Variants in TRPC3 observed in about 807,000 individuals in gnomAD.
TRPC3 encodes the protein transient receptor potential cation channel subfamily C member 3.
Under a neutral mutation model 90.9 loss-of-function variants are expected in TRPC3, and 54 were observed. The ratio of observed to expected loss-of-function variants is 0.59; its 90% confidence interval spans 0.48 to 0.75. The LOEUF (loss-of-function observed/expected upper bound fraction) is 0.75. Ranked by LOEUF, TRPC3 falls within the 30% of genes least tolerant of loss-of-function variation. The probability of loss-of-function intolerance (pLI) is 0.00; values close to 1 mark genes in which losing one functional copy is unlikely to be tolerated. For synonymous variants in TRPC3, 424 were observed against 450.9 expected (o/e 0.94, Z 0.75); for missense variants, 918 against 1,194.5 (o/e 0.77, Z 3.41).
At chr4:121,899,513 C>A in intron 10 of TRPC3, 99 bp downstream of exon 10, 1 of 974,856 alleles carries the variant, frequency 1.0e-6, no homozygotes, top group Non-Finnish European at 1.6e-6. Context: ...AATGGTATAT[C>A]TCAAGAATAT....
chr4:121,916,915 A>G (rs1276951905), intron 3 of TRPC3, among the ~76,000 whole-genome samples: 1 of 151,874 alleles, frequency 6.6e-6, no homozygotes, highest in Non-Finnish European at 1.5e-5. Context: ...GGGTTTCTCC[A>G]TGGCGGTCAG....
chr4:121,888,607 G>C (rs1242910707), intron 10 of TRPC3, among the ~76,000 whole-genome samples: 1 of 150,516 alleles, frequency 6.6e-6, no homozygotes, highest in African/African-American at 2.4e-5. Flanking sequence ...ATGTTAACCA[G>C]GCTGGTCTCA....
chr4:121,949,312 A>G (rs890179776), intron 1 of TRPC3, among the ~76,000 whole-genome samples: 2 of 152,216 alleles, frequency 1.3e-5, no homozygotes, highest in African/African-American at 4.8e-5. Context: ...CAGTCTATTT[A>G]AAATTTCCAC....
At chr4:121,947,107 T>A (rs561466614) in intron 1 of TRPC3, among the ~76,000 whole-genome samples, 136 of 141,754 alleles carry the variant, frequency 9.6e-4, no homozygotes, top group Non-Finnish European at 1.7e-3. Context: ...CACTTGAGCC[T>A]AGGAGTTTGA....
At position 121,912,052 on chromosome 4, in the gene TRPC3, T is replaced by C. The variant is rs777008083; in HGVS notation, c.1383A>G (p.Ala461=). ...ILRSPFMKFV[A]HAASFIIFLG... ...GGAAGATGATGAAAGAAGCTGCATG[T>C]GCTACAAACTTCATAAAAGGGCTTC... The change falls in exon 5 of 12, where the codon GCA becomes GCG. Residue 461 remains alanine, a synonymous_variant. Coordinates refer to ENST00000379645, the MANE Select transcript of TRPC3 (RefSeq NM_001130698.2). 1 of 1,613,746 alleles carries C rather than the reference T, an allele frequency of 6.2e-7. No homozygotes were observed. Among genetic ancestry groups the C allele is most frequent in the Non-Finnish European group, 8.5e-7 (1 of 1,179,804 alleles).
chr4:121,881,736 C>T (rs1465465776), intron 11 of TRPC3, among the ~76,000 whole-genome samples: 1 of 152,012 alleles, frequency 6.6e-6, no homozygotes, highest in Non-Finnish European at 1.5e-5. Flanking sequence ...CTTATTTCTC[C>T]CTGGTTGATT....
At chr4:121,931,042 AGATCTCCACTGGGACAAAAT>A (rs968672144) in intron 2 of TRPC3, among the ~76,000 whole-genome samples, 1 of 152,178 alleles carries the variant, frequency 6.6e-6, no homozygotes, top group African/African-American at 2.4e-5. Flanking sequence ...CAGTAAGTCC[AGATCTCCACTGGGACAAAAT>A]GAGCATTGAT....
At chr4:121,934,499 G>T (rs1397211924) in intron 1 of TRPC3, among the ~76,000 whole-genome samples, 1 of 152,122 alleles carries the variant, frequency 6.6e-6, no homozygotes, top group African/African-American at 2.4e-5. Context: ...ACCAGATAAA[G>T]CTTCCACATT....
intron 10 of TRPC3, among the ~76,000 whole-genome samples, chr4:121,887,232 A>G (rs1004385869): frequency 6.6e-6 from 1 of 152,122 alleles, no homozygotes; most frequent in Admixed American, 6.6e-5. Context: ...TTTTATTTAT[A>G]TTTCATTGCA....
intron 10 of TRPC3, among the ~76,000 whole-genome samples, chr4:121,891,434 A>T (rs1188181883): frequency 6.6e-6 from 1 of 152,224 alleles, no homozygotes; most frequent in Non-Finnish European, 1.5e-5. Context: ...TAACTGTGGG[A>T]CTAAAACTAA....
Position 121,932,643 on chromosome 4 carries a change from A to G in TRPC3, c.615T>C (p.Arg205=). Residue 205 remains arginine, a synonymous_variant, in exon 2 of 12, where the codon CGT becomes CGC. Transcript: ENST00000379645. The surrounding 1 kb of genome is among the most constrained non-coding windows in gnomAD (Gnocchi z 7.7). ...CCTGCTCACAGGGGCTCAGAGTGAG[A>G]CGCTTGCTGGCCGCGAAGCCAGGGT... is the stretch of plus-strand genomic sequence containing the variant. The part of the protein sequence containing the change: ...LNHPGFAASK[R]LTLSPCEQEL... 6.2e-7 allele frequency: 1 copy of G among 1,612,582 alleles called. No individual in the cohort carries two copies. Among genetic ancestry groups the G allele is most frequent in the Non-Finnish European group, 8.5e-7 (1 of 1,178,836 alleles).
rs35039235 is a variant in TRPC3 at position 121,897,996 on chromosome 4, TGCA to T, written c.2547+1613_2547+1615del. ...TAAAAAAGATTGAAATCCCATCATT[TGCA>T]GCAACATGGATGGAACTGGAGGACA... is the stretch of plus-strand genomic sequence containing the variant. On this transcript the variant is annotated intron_variant, in intron 10 of 11. Coordinates refer to ENST00000379645, the MANE Select transcript of TRPC3 (RefSeq NM_001130698.2). Among the ~76,000 whole-genome samples the T allele has an allele frequency of 8.1e-3, 1,241 of 152,304 alleles. 13 individuals carry two copies. Among genetic ancestry groups the T allele is most frequent in the Non-Finnish European group, 9.5e-3 (648 of 68,014 alleles).
At chr4:121,921,642 T>C (rs1375170183) in intron 3 of TRPC3, among the ~76,000 whole-genome samples, 1 of 152,130 alleles carries the variant, frequency 6.6e-6, no homozygotes, top group Non-Finnish European at 1.5e-5. Context: ...AATATGAGTT[T>C]ATTATGTTAT....
chr4:121,932,236 C>A lies in TRPC3; in HGVS notation c.987+35G>T, dbSNP rs540842140. 13 of 1,594,940 alleles carry A rather than the reference C, an allele frequency of 8.2e-6. No individual in the cohort carries two copies. The highest frequency in any genetic ancestry group is 1.1e-5 in the Non-Finnish European group (13 of 1,167,968). ...GGCAGCAGCGGGGAAGTTGGGTGAGCACACAGAGCAGCCGGGGTAGAGCGC... is the reference window on the plus strand; with the variant it reads ...GGCAGCAGCGGGGAAGTTGGGTGAGAACACAGAGCAGCCGGGGTAGAGCGC... On this transcript the variant is annotated intron_variant, in intron 2 of 11. Coordinates refer to ENST00000379645, the MANE Select transcript of TRPC3 (RefSeq NM_001130698.2). This position sits in a 1 kb window ranked among gnomAD's most constrained non-coding sequence, Gnocchi z 7.7.
Position 121,910,173 on chromosome 4 carries a change from C to G in TRPC3, c.1773G>C (p.Glu591Asp). The G allele has an allele frequency of 6.2e-7, 1 of 1,613,560 alleles. No homozygotes were observed. Among genetic ancestry groups the G allele is most frequent in the Non-Finnish European group, 8.5e-7 (1 of 1,179,622 alleles). The stretch of plus-strand genomic sequence containing the variant: ...ACTTACCATAAGTGAAATACTGTAT[C>G]TCTGGTGGGAGTGTCACTTCACTGA... ...SDLSEVTLPPEIQYFTYARDK... is the reference protein window; with the variant it reads ...SDLSEVTLPPDIQYFTYARDK... Residue 591 changes from glutamate to aspartate, a missense_variant, in exon 6 of 12, where the codon GAG becomes GAC. By Grantham distance (45) the Glu-to-Asp change is conservative. Around this residue, in one of 4 missense-constraint regions of TRPC3, gnomAD observed 147 missense variants for 263.5 expected, o/e 0.56. Coordinates refer to ENST00000379645, the MANE Select transcript of TRPC3 (RefSeq NM_001130698.2).
At chr4:121,939,832 C>T (rs1730244328) in intron 1 of TRPC3, among the ~76,000 whole-genome samples, 1 of 152,196 alleles carries the variant, frequency 6.6e-6, no homozygotes. Flanking sequence ...ACAAGCAGCA[C>T]TCAAGTAGAC....
intron 6 of TRPC3, among the ~76,000 whole-genome samples, chr4:121,908,136 T>G (rs1728951090): frequency 6.6e-6 from 1 of 152,128 alleles, no homozygotes; most frequent in Non-Finnish European, 1.5e-5. Flanking sequence ...GTAAAAGAAT[T>G]TTGGATATAG....
At chr4:121,924,372 T>C (rs542706608) in intron 3 of TRPC3, among the ~76,000 whole-genome samples, 2 of 152,298 alleles carry the variant, frequency 1.3e-5, no homozygotes, top group South Asian at 2.1e-4. Flanking sequence ...AACCCTGAGA[T>C]AGATAAGAGA....
intron 2 of TRPC3, among the ~76,000 whole-genome samples, chr4:121,926,301 A>G (rs201749414): frequency 6.6e-6 from 1 of 151,896 alleles, no homozygotes; most frequent in East Asian, 1.9e-4. Flanking sequence ...TCCTTTAAAA[A>G]CCTTGTCTTT....
Sources: gnomAD v4.1 joint callset for allele counts (sites outside exome capture counted in the v4.1 genomes callset) on GRCh38, gnomAD v4.1.1 for gene constraint, gnomAD v4.1.1 regional missense constraint, Gnocchi (gnomAD v3.1) non-coding constraint, MANE v1.5 for transcripts, NCBI Gene and HGNC (gene_info 2026-07-23, HGNC 2026-07-21) for gene names.